Variants in CACNB2 observed in about 807,000 individuals in gnomAD.
CACNB2 encodes calcium voltage-gated channel auxiliary subunit beta 2.
CACNB2 carries 42 observed loss-of-function variants against 73.3 expected under a neutral mutation model. The ratio of observed to expected loss-of-function variants is 0.57; its 90% CI spans 0.45 to 0.74. CACNB2 has a LOEUF of 0.74. CACNB2 is among the 30% of genes least tolerant of loss of function. The pLI, the probability that CACNB2 is intolerant of heterozygous loss-of-function variation, is 0.00. For synonymous variants in CACNB2, 348 were observed against 310.3 expected (o/e 1.12, Z -1.28); for missense variants, 940 against 853.0 (o/e 1.10, Z -1.27).
At chr10:18,453,565 T>G (rs781388828) in intron 3 of CACNB2, among the ~76,000 whole-genome samples, 1 of 152,238 alleles carries the variant, frequency 6.6e-6, no homozygotes, top group Admixed American at 6.5e-5. Context: ...TCACCCTGTT[T>G]ATTTCCTCCA....
intron 7 of CACNB2, chr10:18,515,074 C>T: frequency 2.6e-6 from 4 of 1,533,572 alleles, no homozygotes; most frequent in Non-Finnish European, 3.6e-6. Context: ...TATAAATATT[C>T]TCCCGATGTT....
At chr10:18,147,521 A>G (rs890131152) in intron 1 of CACNB2, among the ~76,000 whole-genome samples, 1 of 152,154 alleles carries the variant, frequency 6.6e-6, no homozygotes, top group East Asian at 1.9e-4. Flanking sequence ...GAGAATCTAT[A>G]GGTAACACCT....
At chr10:18,257,112 C>T (rs1303827318) in intron 2 of CACNB2, 4 of 152,246 alleles carry the variant, frequency 2.6e-5, no homozygotes, top group African/African-American at 9.7e-5. Context: ...GGACTTGGGT[C>T]TGTCTTGTCG....
At chr10:18,187,034 C>T (rs1039140042) in intron 2 of CACNB2, among the ~76,000 whole-genome samples, 5 of 152,010 alleles carry the variant, frequency 3.3e-5, no homozygotes, top group African/African-American at 9.7e-5. Flanking sequence ...ATGGAAAGTG[C>T]TAAGAAGGGA....
At chr10:18,187,217 T>C (rs1044275203) in intron 2 of CACNB2, among the ~76,000 whole-genome samples, 2 of 152,100 alleles carry the variant, frequency 1.3e-5, no homozygotes, top group African/African-American at 4.8e-5. Context: ...GGAGTGGGGT[T>C]AACTGAGAAG....
chr10:18,209,877 C>T (rs1289088369), intron 2 of CACNB2, among the ~76,000 whole-genome samples: 1 of 152,102 alleles, frequency 6.6e-6, no homozygotes, highest in African/African-American at 2.4e-5. Context: ...TATATATTTT[C>T]GTAAAGATAA....
In CACNB2 at chr10:18,541,183, A is replaced by G. The variant is rs1481351271; in HGVS notation, c.*1459A>G. 6.6e-6 allele frequency: 1 copy of G among 152,616 alleles called. No individual in the cohort carries two copies. The highest frequency in any genetic ancestry group is 1.5e-5 in the Non-Finnish European group (1 of 68,012). 9.5% of individuals were successfully genotyped at this position (152,616 alleles called of 1,614,324 possible). ...CAGTTACCTACCATTCCTCCCCACC[A>G]CCGACTCCAGCAGGTTCACTGTCTG... On this transcript the variant is annotated 3_prime_UTR_variant, in exon 14 of 14. Transcript: ENST00000324631.
intron 2 of CACNB2, among the ~76,000 whole-genome samples, chr10:18,346,575 A>G (rs1451124595): frequency 6.6e-6 from 1 of 151,582 alleles, no homozygotes; most frequent in Non-Finnish European, 1.5e-5. Context: ...TAGCTTTGTT[A>G]ATGTTAGTGG....
chr10:18,461,464 T>C (rs923145025), intron 3 of CACNB2, among the ~76,000 whole-genome samples: 2 of 152,070 alleles, frequency 1.3e-5, no homozygotes, highest in African/African-American at 4.8e-5. Context: ...TATCAAGATA[T>C]ATTTATATTT....
chr10:18,368,178 A>G (rs1396511216), intron 2 of CACNB2, among the ~76,000 whole-genome samples: 1 of 152,214 alleles, frequency 6.6e-6, no homozygotes, highest in Non-Finnish European at 1.5e-5. Flanking sequence ...GATTATGAAC[A>G]ATAGCTATAA....
chr10:18,371,954 T>C (rs1199236139), intron 2 of CACNB2, among the ~76,000 whole-genome samples: 1 of 152,232 alleles, frequency 6.6e-6, no homozygotes, highest in Non-Finnish European at 1.5e-5. Flanking sequence ...TGATGGCCAG[T>C]GATGATGAGC....
intron 5 of CACNB2, among the ~76,000 whole-genome samples, chr10:18,506,184 T>G (rs976633112): frequency 6.6e-6 from 1 of 152,224 alleles, no homozygotes; most frequent in Non-Finnish European, 1.5e-5. Flanking sequence ...GCTATTTCAC[T>G]GTCTGTGATC....
chr10:18,403,379 T>A (rs906671019), intron 3 of CACNB2, among the ~76,000 whole-genome samples: 2 of 152,268 alleles, frequency 1.3e-5, no homozygotes, highest in African/African-American at 4.8e-5. Flanking sequence ...AGAGTCTGAA[T>A]TCTATATTCT....
rs2033726798 is a variant in CACNB2, at chr10:18,178,706, G to A, written c.213+27731G>A. On this transcript the variant is annotated intron_variant, in intron 2 of 13. Coordinates refer to ENST00000324631, the MANE Select transcript of CACNB2 (RefSeq NM_201596.3). ...TAGATGGAAGGTTGAGCAGATATTC[G>A]GTGAAATATGAATCAGTGTTCCTGC... Among the ~76,000 whole-genome samples, 5 of 152,142 alleles carry A rather than the reference G, an allele frequency of 3.3e-5. No homozygotes were observed. The South Asian group carries it at 8.3e-4, about 25-fold the overall frequency.
intron 2 of CACNB2, among the ~76,000 whole-genome samples, chr10:18,301,889 C>T (rs2039531839): frequency 6.6e-6 from 1 of 151,984 alleles, no homozygotes; most frequent in Non-Finnish European, 1.5e-5. Context: ...CCTCGTGATC[C>T]TCCCACCTTG....
At chr10:18,373,312 T>C (rs2042664840) in intron 2 of CACNB2, among the ~76,000 whole-genome samples, 1 of 152,180 alleles carries the variant, frequency 6.6e-6, no homozygotes, top group South Asian at 2.1e-4. Context: ...CTGAACTCAA[T>C]GCTGATTTGT....
chr10:18,541,144 G>T lies in CACNB2; in HGVS notation c.*1420G>T, dbSNP rs1463191178. 6.6e-6 allele frequency: 1 copy of T among 152,610 alleles called. No individual in the cohort carries two copies. The highest frequency in any genetic ancestry group is 1.9e-4 in the East Asian group (1 of 5,188). The allele number at this position is 152,610 out of a possible 1,614,324, so 9.5% of individuals were successfully genotyped here. ...TCTAACCTTGCCTATTGTTCCTGTTGTTTGTTTACCTCCCAGTTACCTACC... is the reference window on the plus strand; with the variant it reads ...TCTAACCTTGCCTATTGTTCCTGTTTTTTGTTTACCTCCCAGTTACCTACC... On this transcript the variant is annotated 3_prime_UTR_variant, in exon 14 of 14. Coordinates refer to ENST00000324631, the MANE Select transcript of CACNB2 (RefSeq NM_201596.3).
intron 10 of CACNB2, chr10:18,533,392 C>G (rs748101732): frequency 5.3e-5 from 8 of 152,346 alleles, no homozygotes; most frequent in Non-Finnish European, 1.2e-4. Context: ...TTGGAGATCA[C>G]AGAACAGATG....
At chr10:18,528,288 G>A (rs143103350) in intron 10 of CACNB2, among the ~76,000 whole-genome samples, 1,646 of 151,972 alleles carry the variant, frequency 0.011, 16 homozygotes, top group Middle Eastern at 0.051. Flanking sequence ...AGTGTAGGGA[G>A]TTATTGTGTT....
Sources: gnomAD v4.1 joint callset for allele counts (sites outside exome capture counted in the v4.1 genomes callset) on GRCh38, gnomAD v4.1.1 for gene constraint, MANE v1.5 for transcripts, NCBI Gene and HGNC (gene_info 2026-07-23, HGNC 2026-07-21) for gene names.